Variants in COL18A1 observed in about 807,000 individuals in gnomAD.
COL18A1 encodes the protein collagen alpha-1(XVIII) chain.
Under a neutral mutation model 168.0 loss-of-function variants are expected in COL18A1, and 133 were observed. The observed-to-expected ratio is 0.79, with a 90% CI of 0.69 to 0.91. The LOEUF (loss-of-function observed/expected upper bound fraction) is 0.91, where lower values mean the gene tolerates loss of function less well. Among genes scored for constraint, COL18A1 ranks in the 40% least tolerant of loss-of-function variants. COL18A1 has a pLI of 0.00. For synonymous variants in COL18A1, 949 were observed against 809.0 expected (o/e 1.17, Z -2.94); for missense variants, 2,126 against 1,925.4 (o/e 1.10, Z -1.95).
chr21:45,480,465 A>G lies in COL18A1; in HGVS notation c.1399-2A>G, dbSNP rs2035854123. Reference sequence around the variant, plus strand: ...ACGTGTCTCTCCGGCTCTTTTCCTCAGACCTTCATTGACATGGAGGGATCT... The same window carrying G: ...ACGTGTCTCTCCGGCTCTTTTCCTCGGACCTTCATTGACATGGAGGGATCT... On this transcript the variant is annotated splice_acceptor_variant, in intron 11 of 41. Coordinates refer to ENST00000651438, the MANE Select transcript of COL18A1 (RefSeq NM_001379500.1). LOFTEE classifies it high-confidence loss of function. The G allele has an allele frequency of 6.2e-7, 1 of 1,613,982 alleles. No individual in the cohort carries two copies. The highest frequency in any genetic ancestry group is 8.5e-7 in the Non-Finnish European group (1 of 1,180,026).
intron 5 of COL18A1, 145 bp from the exon 6 acceptor site, chr21:45,476,206 C>T (rs796352050): frequency 2.1e-5 from 26 of 1,235,850 alleles, no homozygotes; most frequent in South Asian, 7.0e-5. Context: ...AAGCCCCTCG[C>T]GCACGGCCCT....
At chr21:45,450,145 C>A (rs2034589652) in intron 2 of COL18A1, among the ~76,000 whole-genome samples, 1 of 152,148 alleles carries the variant, frequency 6.6e-6, no homozygotes, top group African/African-American at 2.4e-5. Flanking sequence ...TCTCCAGGAG[C>A]CTGCCTGGGC....
intron 2 of COL18A1, chr21:45,422,734 G>A (rs2033666625): frequency 3.6e-6 from 1 of 281,672 alleles, no homozygotes; most frequent in Non-Finnish European, 7.1e-6. Flanking sequence ...CCTCCTGGGT[G>A]GAGGGGCCTG....
intron 20 of COL18A1, 47 bp downstream of exon 20, chr21:45,490,393 T>A (rs2036275029): frequency 7.2e-7 from 1 of 1,395,332 alleles, no homozygotes; most frequent in African/African-American, 1.6e-5. Flanking sequence ...CGTGGAGCCC[T>A]GAAGGGACTA....
At chr21:45,450,133 A>C (rs1486411957) in intron 2 of COL18A1, among the ~76,000 whole-genome samples, 2 of 152,142 alleles carry the variant, frequency 1.3e-5, no homozygotes, top group Non-Finnish European at 2.9e-5. Context: ...CGCTCCCTGG[A>C]ATCTCCAGGA....
At chr21:45,458,409 CAG>C (rs1045660427) in intron 2 of COL18A1, among the ~76,000 whole-genome samples, 119 of 152,136 alleles carry the variant, frequency 7.8e-4, no homozygotes, top group African/African-American at 2.7e-3. Context: ...CTCTCTGAGG[CAG>C]GGGCTGTGCC....
intron 16 of COL18A1, 86 bp from the exon 17 acceptor site, chr21:45,487,361 C>T (rs1418350012): frequency 4.0e-6 from 6 of 1,497,578 alleles, no homozygotes; most frequent in Middle Eastern, 2.3e-4. Flanking sequence ...CATGTCCCAC[C>T]CTCCTCTCGG....
At chr21:45,466,043 A>G (rs1293854823) in intron 2 of COL18A1, among the ~76,000 whole-genome samples, 1 of 151,296 alleles carries the variant, frequency 6.6e-6, no homozygotes, top group Admixed American at 6.6e-5. Context: ...CTCACAGGAG[A>G]CCCCCAGTCA....
chr21:45,499,792 C>T (rs949919298), intron 32 of COL18A1, among the ~76,000 whole-genome samples: 1 of 152,164 alleles, frequency 6.6e-6, no homozygotes, highest in African/African-American at 2.4e-5. Flanking sequence ...CAGGACGGCA[C>T]ACACACAGGA....
chr21:45,497,286 G>A (rs2036576576), intron 31 of COL18A1, among the ~76,000 whole-genome samples, 194 bp downstream of exon 31: 1 of 152,202 alleles, frequency 6.6e-6, no homozygotes, highest in Non-Finnish European at 1.5e-5. Context: ...TCCAGGACCT[G>A]ACCTTGGGGT....
chr21:45,447,955 G>C (rs1454420108), intron 2 of COL18A1, among the ~76,000 whole-genome samples: 1 of 152,134 alleles, frequency 6.6e-6, no homozygotes, highest in African/African-American at 2.4e-5. Context: ...AGCCTCCTCG[G>C]ACTGGAAGGA....
chr21:45,432,274 C>T (rs1242772186), intron 2 of COL18A1, among the ~76,000 whole-genome samples: 1 of 152,216 alleles, frequency 6.6e-6, no homozygotes, highest in Non-Finnish European at 1.5e-5. Context: ...GTGGCCTTGG[C>T]GGAGGCCACA....
chr21:45,505,793 C>CGCCCTCCCT (rs1568943906), intron 36 of COL18A1, 45 bp from the exon 37 acceptor site: 2 of 1,428,026 alleles, frequency 1.4e-6, no homozygotes, highest in Admixed American at 1.8e-5. Context: ...CCCTGCCCCC[C>CGCCCTCCCT]GCCCTCCCCG....
intron 36 of COL18A1, 40 bp from the exon 37 acceptor site, chr21:45,505,797 CT>C: frequency 6.7e-7 from 1 of 1,489,546 alleles, no homozygotes; most frequent in Non-Finnish European, 9.2e-7. Flanking sequence ...GCCCCCCGCC[CT>C]CCCCGCCAAG....
chr21:45,422,522 ACC>A (rs774432676), intron 2 of COL18A1: 1 of 523,142 alleles, frequency 1.9e-6, no homozygotes, highest in East Asian at 5.6e-5. Flanking sequence ...GGCCTGACGC[ACC>A]TCGCGCCGTG....
At chr21:45,496,911 C>T (rs1241252659) in intron 30 of COL18A1, 139 bp from the exon 31 acceptor site, 14 of 712,260 alleles carry the variant, frequency 2.0e-5, no homozygotes, top group South Asian at 1.3e-4. Context: ...ACCCCTGTTC[C>T]CTCCCGTCTC....
In COL18A1 at chr21:45,480,106, C is replaced by T. The variant is rs2035840827; in HGVS notation, c.1348C>T (p.Pro450Ser). 3.1e-6 allele frequency: 5 copies of T among 1,606,716 alleles called. No individual in the cohort carries two copies. The highest frequency in any genetic ancestry group is 2.7e-5 in the African/African-American group (2 of 74,652). The stretch of plus-strand genomic sequence containing the variant: ...GGTTGGAGAGAGAGGGCCCCCAGGA[C>T]CCCAAGGGCCTCCAGGGCCCCCAGG... ...PGVGERGPPGPQGPPGPPGPS... is the reference protein window; with the variant it reads ...PGVGERGPPGSQGPPGPPGPS... The change falls in exon 11 of 42, where the codon CCC becomes TCC. Residue 450 changes from proline to serine, a missense_variant. Coordinates refer to ENST00000651438, the MANE Select transcript of COL18A1 (RefSeq NM_001379500.1).
intron 2 of COL18A1, among the ~76,000 whole-genome samples, chr21:45,415,317 A>G (rs2033409281): frequency 6.6e-6 from 1 of 152,188 alleles, no homozygotes; most frequent in Non-Finnish European, 1.5e-5. Flanking sequence ...CCCAGGCTGC[A>G]GGCTTTGTGG....
intron 19 of COL18A1, among the ~76,000 whole-genome samples, 159 bp downstream of exon 19, chr21:45,489,680 C>T (rs527644749): frequency 6.6e-6 from 1 of 152,122 alleles, no homozygotes; most frequent in African/African-American, 2.4e-5. Flanking sequence ...AGGCAACCCC[C>T]AGGATACCCA....
Sources: gnomAD v4.1 joint callset for allele counts (sites outside exome capture counted in the v4.1 genomes callset) on GRCh38, gnomAD v4.1.1 for gene constraint, MANE v1.5 for transcripts, NCBI Gene and HGNC (gene_info 2026-07-23, HGNC 2026-07-21) for gene names.